The following TRIOBP variants were observed in gnomAD, a reference collection of about 807,000 sequenced individuals.
The protein encoded by TRIOBP is TRIO and F-actin-binding protein.
Under a neutral mutation model 238.8 loss-of-function variants are expected in TRIOBP, and 169 were observed. The observed-to-expected ratio is 0.71, with a 90% CI of 0.62 to 0.80. The LOEUF (loss-of-function observed/expected upper bound fraction) is 0.80, where lower values mean the gene tolerates loss of function less well. Among genes scored for constraint, TRIOBP ranks in the 30% least tolerant of loss-of-function variants. TRIOBP has a pLI of 0.00. For synonymous variants in TRIOBP, 1,150 were observed against 1,274.4 expected (o/e 0.90, Z 2.08); for missense variants, 2,838 against 3,122.6 (o/e 0.91, Z 2.17).
intron 11 of TRIOBP, chr22:37,746,298 C>A: frequency 9.1e-7 from 1 of 1,095,300 alleles, no homozygotes; most frequent in Non-Finnish European, 1.1e-6. Flanking sequence ...GGCGCGGCGG[C>A]GGGCGGCCGA....
intron 6 of TRIOBP, among the ~76,000 whole-genome samples, chr22:37,718,357 G>C (rs1448169237): frequency 6.6e-6 from 1 of 152,232 alleles, no homozygotes; most frequent in Admixed American, 6.5e-5. Flanking sequence ...AGGAGGCGCC[G>C]AGAGTGAGCG....
At chr22:37,737,485 C>A (rs1384808632) in intron 9 of TRIOBP, among the ~76,000 whole-genome samples, 1 of 151,894 alleles carries the variant, frequency 6.6e-6, no homozygotes. Flanking sequence ...CACGGTGGAA[C>A]CCCGTCTCTA....
rs980436097 is a variant in TRIOBP, at chr22:37,738,738, T to C, written c.5184+19T>C. On this transcript the variant is annotated intron_variant, in intron 10 of 23. Transcript: ENST00000644935. ...AGACTCGGTAGCTGGGTCATGGGTG[T>C]GGGTACATACGGTGGGGAAGGGAGG... The C allele has an allele frequency of 6.2e-7, 1 of 1,613,098 alleles. No homozygotes were observed. Among genetic ancestry groups the C allele is most frequent in the East Asian group, 2.2e-5 (1 of 44,846 alleles).
chr22:37,745,123 CAA>C lies in TRIOBP; in HGVS notation c.5322+4093_5322+4094del, dbSNP rs1217923254. Among the ~76,000 whole-genome samples the C allele has an allele frequency of 3.3e-5, 5 of 152,106 alleles. No homozygotes were observed. The East Asian group carries it at 7.7e-4, about 23-fold the overall frequency. On this transcript the variant is annotated intron_variant, in intron 11 of 23. Coordinates refer to ENST00000644935, the MANE Select transcript of TRIOBP (RefSeq NM_001039141.3). ...CAATGATCCACCCACCTCAGCCTCC[CAA>C]AGTGTTGGGATTACAGACCTGAACC...
rs1471601575 is a variant in TRIOBP at position 37,725,162 on chromosome 22, C to G, written c.2606C>G (p.Ser869Cys). ...FQRDNPGTSS[S>C]QCCTQKENLR... ...CGAGACAACCCTGGAACCTCCTCAT[C>G]TCAATGCTGCACCCAAAAGGAGAAT... The change falls in exon 7 of 24, where the codon TCT becomes TGT. Residue 869 changes from serine (S) to cysteine (C), a missense_variant. Coordinates refer to ENST00000644935, the MANE Select transcript of TRIOBP (RefSeq NM_001039141.3). 6.2e-7 allele frequency: 1 copy of G among 1,614,158 alleles called. No homozygotes were observed. Among genetic ancestry groups the G allele is most frequent in the Non-Finnish European group, 8.5e-7 (1 of 1,180,014 alleles).
At chr22:37,717,836 G>A (rs572479635) in intron 6 of TRIOBP, among the ~76,000 whole-genome samples, 4 of 152,334 alleles carry the variant, frequency 2.6e-5, no homozygotes, top group African/African-American at 7.2e-5. Flanking sequence ...CATGCCATGC[G>A]CCCACACTCC....
At chr22:37,697,317 C>T (rs573440844) in intron 1 of TRIOBP, among the ~76,000 whole-genome samples, 2 of 152,058 alleles carry the variant, frequency 1.3e-5, no homozygotes, top group African/African-American at 4.8e-5. Flanking sequence ...GGGGAGGAAA[C>T]GGGAGCAGCG....
chr22:37,746,285 GGAGGCGCGGCGGCGGGCGGCCGA>G (rs770695663), intron 11 of TRIOBP: 6 of 1,088,888 alleles, frequency 5.5e-6, no homozygotes, highest in Admixed American at 1.0e-4. Flanking sequence ...AGGAAGGGCC[GGAGGCGCGGCGGCGGGCGGCCGA>G]GAGGGGCGGC....
chr22:37,731,235 T>G (rs1924406882), intron 7 of TRIOBP, among the ~76,000 whole-genome samples: 1 of 151,934 alleles, frequency 6.6e-6, no homozygotes, highest in African/African-American at 2.4e-5. Context: ...CCTCCCAGGC[T>G]GAAGCGATCC....
At chr22:37,714,095 T>C (rs1296393645) in intron 5 of TRIOBP, among the ~76,000 whole-genome samples, 1 of 152,094 alleles carries the variant, frequency 6.6e-6, no homozygotes, top group African/African-American at 2.4e-5. Context: ...AAGTGGAGAT[T>C]TCAGTCGCCC....
At chr22:37,755,052 TGG>T (rs1925842097) in intron 13 of TRIOBP, 47 bp from the exon 14 acceptor site, 1 of 1,610,926 alleles carries the variant, frequency 6.2e-7, no homozygotes, top group African/African-American at 1.3e-5. Context: ...TTCACTGGGG[TGG>T]GTCACACCAG....
At chr22:37,719,502 A>G (rs745317087) in intron 6 of TRIOBP, among the ~76,000 whole-genome samples, 2 of 152,110 alleles carry the variant, frequency 1.3e-5, no homozygotes, top group Non-Finnish European at 2.9e-5. Flanking sequence ...GGCATCTTCA[A>G]CTGAGGAGCA....
At position 37,727,484 on chromosome 22, in the gene TRIOBP, C is replaced by T. The variant is rs567368839; in HGVS notation, c.3947+981C>T. ...GAGATCGACAGCAGCCTGGCTAACACGGTGAAACCCCATCTCTACTAAAAA... is the reference window on the plus strand; with the variant it reads ...GAGATCGACAGCAGCCTGGCTAACATGGTGAAACCCCATCTCTACTAAAAA... On this transcript the variant is annotated intron_variant, in intron 7 of 23. Coordinates refer to ENST00000644935, the MANE Select transcript of TRIOBP (RefSeq NM_001039141.3). Among the ~76,000 whole-genome samples, 48 of 151,876 alleles carry T rather than the reference C, an allele frequency of 3.2e-4. 1 individual carries two copies. In the South Asian group the frequency reaches 8.3e-3, roughly 26 times the overall value.
At chr22:37,714,683 A>T (rs888715356) in intron 5 of TRIOBP, among the ~76,000 whole-genome samples, 2 of 151,890 alleles carry the variant, frequency 1.3e-5, no homozygotes, top group Non-Finnish European at 2.9e-5. Context: ...AAAAAAAAAA[A>T]GTTGATTGAT....
At chr22:37,746,620 TC>T (rs1033745885) in intron 11 of TRIOBP, among the ~76,000 whole-genome samples, 6 of 152,212 alleles carry the variant, frequency 3.9e-5, no homozygotes, top group African/African-American at 1.4e-4. Context: ...CTCCTCGCCT[TC>T]CCTCGCCCAC....
At chr22:37,747,389 G>T (rs574690326) in intron 11 of TRIOBP, among the ~76,000 whole-genome samples, 1 of 152,282 alleles carries the variant, frequency 6.6e-6, no homozygotes, top group South Asian at 2.1e-4. Context: ...GGATGAGCAG[G>T]GTGTGTGTGT....
rs1198155721 is a variant in TRIOBP, at chr22:37,769,353, A to C, written c.6827A>C (p.Glu2276Ala). The C allele has an allele frequency of 1.6e-5, 25 of 1,608,698 alleles. No homozygotes were observed. The highest frequency in any genetic ancestry group is 2.0e-5 in the Non-Finnish European group (24 of 1,178,658). The stretch of plus-strand genomic sequence containing the variant: ...GGCAATGGCTGCGGGCGCAGCAACG[A>C]GCGGAGTTCCTGCGAGCTAGAGGTG... ...GMGNGCGRSN[E>A]RSSCELEVLL... The change falls in exon 21 of 24, where the codon GAG becomes GCG. Residue 2276 changes from glutamate to alanine, a missense_variant. Physicochemically the swap from Glu to Ala is moderately radical, Grantham distance 107. Coordinates refer to ENST00000644935, the MANE Select transcript of TRIOBP (RefSeq NM_001039141.3).
intron 7 of TRIOBP, 104 bp downstream of exon 7, chr22:37,726,607 C>G: frequency 1.6e-6 from 2 of 1,221,054 alleles, no homozygotes; most frequent in Non-Finnish European, 2.2e-6. Context: ...ATCCCCCTGG[C>G]TTGCCATTTA....
chr22:37,769,205 T>C lies in TRIOBP; in HGVS notation c.6735+18T>C, dbSNP rs778874379. ...ACAACCAGGTGGGCCTGGCCCCAGG[T>C]TGGGGGGACACGGGTGGGTCCCGGC... On this transcript the variant is annotated intron_variant, in intron 20 of 23. Transcript: ENST00000644935. The C allele has an allele frequency of 8.8e-6, 14 of 1,594,788 alleles. No homozygotes were observed. Among genetic ancestry groups the C allele is most frequent in the Admixed American group, 1.7e-5 (1 of 57,594 alleles).
Sources: gnomAD v4.1 joint callset for allele counts (sites outside exome capture counted in the v4.1 genomes callset) on GRCh38, gnomAD v4.1.1 for gene constraint, MANE v1.5 for transcripts, NCBI Gene and HGNC (gene_info 2026-07-23, HGNC 2026-07-21) for gene names.